Variants in DLG2 observed in about 807,000 individuals in gnomAD.
DLG2 encodes the protein discs large MAGUK scaffold protein 2, also known as disks large homolog 2.
In DLG2, 45 loss-of-function variants were observed where a neutral mutation model predicts 132.5. That is an observed-to-expected ratio of 0.34 (90% CI 0.27 to 0.44). DLG2 has a LOEUF of 0.44. Ranked by LOEUF, DLG2 falls within the 20% of genes least tolerant of loss-of-function variation. The pLI, the probability that DLG2 is intolerant of heterozygous loss-of-function variation, is 1.00. For missense variants in DLG2, 1,045 were observed against 1,196.9 expected, an observed-to-expected ratio of 0.87 and a Z score of 1.87; for synonymous variants, 424 against 419.6, an observed-to-expected ratio of 1.01 and a Z score of -0.13.
intron 6 of DLG2, among the ~76,000 whole-genome samples, chr11:84,650,501 T>G (rs988100238): frequency 6.6e-6 from 1 of 152,062 alleles, no homozygotes; most frequent in African/African-American, 2.4e-5. Flanking sequence ...CCAACTGGAG[T>G]AGTCATACAA....
intron 6 of DLG2, among the ~76,000 whole-genome samples, chr11:84,904,573 C>A (rs1280100951): frequency 6.6e-6 from 1 of 152,130 alleles, no homozygotes; most frequent in Non-Finnish European, 1.5e-5. Flanking sequence ...TTTCTGCTGC[C>A]CATAACTGAG....
intron 11 of DLG2, among the ~76,000 whole-genome samples, chr11:83,993,459 C>A (rs1400541104): frequency 1.3e-5 from 2 of 152,096 alleles, no homozygotes; most frequent in Non-Finnish European, 1.5e-5. Flanking sequence ...TCAGTCTCTT[C>A]CCTAAACGAA....
chr11:84,096,898 C>T (rs1410509550), intron 10 of DLG2, among the ~76,000 whole-genome samples: 2 of 41,548 alleles, frequency 4.8e-5, no homozygotes, highest in Non-Finnish European at 1.6e-4. Flanking sequence ...GCACATTTAC[C>T]TGAAAAAAAA....
chr11:85,349,279 T>C (rs1472204917), intron 3 of DLG2, among the ~76,000 whole-genome samples: 1 of 151,954 alleles, frequency 6.6e-6, no homozygotes, highest in Non-Finnish European at 1.5e-5. Flanking sequence ...TACAATAAAA[T>C]ACAAGCATGA....
intron 11 of DLG2, among the ~76,000 whole-genome samples, chr11:84,012,984 A>C (rs1331664188): frequency 6.6e-6 from 1 of 152,138 alleles, no homozygotes; most frequent in Non-Finnish European, 1.5e-5. Flanking sequence ...TGTCTTTTAA[A>C]GGAAAAGAGA....
At chr11:84,086,863 T>C (rs1309659789) in intron 10 of DLG2, among the ~76,000 whole-genome samples, 4 of 152,232 alleles carry the variant, frequency 2.6e-5, no homozygotes. Flanking sequence ...ATCTACCTTC[T>C]ATTTGCATGG....
At chr11:84,177,655 C>T (rs1200803527) in intron 8 of DLG2, among the ~76,000 whole-genome samples, 3 of 152,160 alleles carry the variant, frequency 2.0e-5, no homozygotes, top group Admixed American at 6.6e-5. Flanking sequence ...AATCTAGAGA[C>T]ATTTCCTAAG....
Position 83,658,197 on chromosome 11 carries a change from A to G in DLG2, c.1826-24872T>C, listed in dbSNP as rs147780164. 1.3e-3 allele frequency among the ~76,000 whole-genome samples: 203 copies of G among 152,350 alleles called. 3 individuals are homozygous for G. Among genetic ancestry groups the G allele is most frequent in the African/African-American group, 4.7e-3 (195 of 41,586 alleles). On this transcript the variant is annotated intron_variant, in intron 18 of 27. Transcript: ENST00000376104. Reference sequence around the variant, plus strand: ...TTATAGTGAATTCCTAAGAGATTTTAAACTTGATACTTTCTATATCTAATG... The same window carrying G: ...TTATAGTGAATTCCTAAGAGATTTTGAACTTGATACTTTCTATATCTAATG...
At chr11:85,350,841 G>A (rs1020950687) in intron 3 of DLG2, among the ~76,000 whole-genome samples, 12 of 152,046 alleles carry the variant, frequency 7.9e-5, no homozygotes, top group South Asian at 2.1e-4. Context: ...GTCAGGTAGC[G>A]TGATGCCTCC....
intron 6 of DLG2, among the ~76,000 whole-genome samples, chr11:84,537,614 T>G (rs1174818652): frequency 1.3e-5 from 2 of 152,196 alleles, no homozygotes; most frequent in Non-Finnish European, 2.9e-5. Flanking sequence ...CTTCTTCATG[T>G]GCATGTTCCC....
chr11:83,983,838 G>A (rs2093011933), intron 11 of DLG2, among the ~76,000 whole-genome samples: 1 of 151,956 alleles, frequency 6.6e-6, no homozygotes, highest in Admixed American at 6.6e-5. Flanking sequence ...ATACATATCA[G>A]CTCATGTTTC....
chr11:84,692,534 TTC>T (rs1360552882), intron 6 of DLG2, among the ~76,000 whole-genome samples: 2 of 151,754 alleles, frequency 1.3e-5, no homozygotes, highest in African/African-American at 4.8e-5. Context: ...GTTGAAAAAT[TTC>T]TGTTTGTAAA....
chr11:84,555,206 G>C (rs2099409575), intron 6 of DLG2, among the ~76,000 whole-genome samples: 1 of 151,990 alleles, frequency 6.6e-6, no homozygotes, highest in Non-Finnish European at 1.5e-5. Context: ...GCCTGTAAGA[G>C]GATGTAACTG....
chr11:85,583,057 A>ATATAT (rs1555190342), intron 3 of DLG2, among the ~76,000 whole-genome samples: 1 of 101,634 alleles, frequency 9.8e-6, no homozygotes, highest in Non-Finnish European at 1.8e-5. Context: ...GGAAAAAAAA[A>ATATAT]ATATATATAT....
intron 7 of DLG2, among the ~76,000 whole-genome samples, chr11:84,356,272 C>T (rs1484605268): frequency 1.3e-5 from 2 of 152,074 alleles, no homozygotes; most frequent in Admixed American, 1.3e-4. Flanking sequence ...TGCTTTGATG[C>T]ACTACTATTC....
At chr11:84,811,790 G>A (rs904562037) in intron 6 of DLG2, among the ~76,000 whole-genome samples, 4 of 152,068 alleles carry the variant, frequency 2.6e-5, no homozygotes, top group African/African-American at 9.7e-5. Context: ...ATTCAAATGT[G>A]AAAAAGACAC....
chr11:83,657,820 G>A (rs975670149), intron 18 of DLG2, among the ~76,000 whole-genome samples: 2 of 152,118 alleles, frequency 1.3e-5, no homozygotes, highest in South Asian at 2.1e-4. Flanking sequence ...GATTACAGGC[G>A]TGAGCCACCG....
intron 7 of DLG2, among the ~76,000 whole-genome samples, chr11:84,343,157 C>T (rs2098523312): frequency 6.6e-6 from 1 of 152,056 alleles, no homozygotes; most frequent in South Asian, 2.1e-4. Context: ...GATGATAACC[C>T]ATTTAGGGAT....
chr11:83,758,487 C>T (rs4456272), intron 18 of DLG2, among the ~76,000 whole-genome samples: 6,464 of 152,156 alleles, frequency 0.042, 200 homozygotes, highest in Middle Eastern at 0.11. Flanking sequence ...TATGAGACTT[C>T]GTTGCATAGT....
Sources: allele counts gnomAD v4.1 joint callset (sites outside exome capture counted in the v4.1 genomes callset), GRCh38; gene constraint gnomAD v4.1.1; transcripts MANE v1.5; gene names NCBI Gene and HGNC (gene_info 2026-07-23, HGNC 2026-07-21).